Variants in CCNI observed in about 807,000 individuals in gnomAD.
CCNI encodes cyclin-I.
CCNI carries 14 observed loss-of-function variants against 34.1 expected under a neutral mutation model. The ratio of observed to expected loss-of-function variants is 0.41; its 90% CI spans 0.27 to 0.64. The LOEUF (loss-of-function observed/expected upper bound fraction) is 0.64, where lower values mean the gene tolerates loss of function less well. Among genes scored for constraint, CCNI ranks in the 30% least tolerant of loss-of-function variants. The pLI, the probability that CCNI is intolerant of heterozygous loss-of-function variation, is 0.31. For missense variants in CCNI, 385 were observed against 440.5 expected (o/e 0.87, Z 1.13); for synonymous variants, 154 against 158.4 (o/e 0.97, Z 0.21).
At chr4:77,058,991 TAAGAA>T (rs757769485) in intron 2 of CCNI, among the ~76,000 whole-genome samples, 2 of 152,148 alleles carry the variant, frequency 1.3e-5, no homozygotes, top group Non-Finnish European at 2.9e-5. Flanking sequence ...CTCTTAAGAT[TAAGAA>T]AATACAGTGA....
At chr4:77,074,158 A>G (rs1729716380) in intron 1 of CCNI, among the ~76,000 whole-genome samples, 1 of 152,232 alleles carries the variant, frequency 6.6e-6, no homozygotes, top group Non-Finnish European at 1.5e-5. Context: ...TGACCAACAC[A>G]CATGCTAAGC....
At chr4:77,072,013 G>T (rs922182581) in intron 1 of CCNI, among the ~76,000 whole-genome samples, 14 of 151,998 alleles carry the variant, frequency 9.2e-5, no homozygotes, top group Non-Finnish European at 1.5e-4. Flanking sequence ...CAACTTATTC[G>T]TTGAAGCCAG....
At chr4:77,063,258 G>GA (rs1560778946) in intron 2 of CCNI, among the ~76,000 whole-genome samples, 2 of 139,020 alleles carry the variant, frequency 1.4e-5, no homozygotes, top group Admixed American at 8.0e-5. Flanking sequence ...AGGCATAAGA[G>GA]AAAGCTTAAA....
chr4:77,066,798 G>C (rs1462423917), intron 1 of CCNI, among the ~76,000 whole-genome samples: 1 of 152,092 alleles, frequency 6.6e-6, no homozygotes, highest in Non-Finnish European at 1.5e-5. Flanking sequence ...TCATTAAAAA[G>C]AAAATATATT....
chr4:77,058,462 T>C (rs761467717), intron 3 of CCNI, 45 bp downstream of exon 3: 9 of 1,516,428 alleles, frequency 5.9e-6, no homozygotes, highest in Non-Finnish European at 3.6e-6. Flanking sequence ...TTAGCATACA[T>C]ACACTCAAAT....
rs4252765 is a variant in CCNI, at chr4:77,075,411, C to T, written c.-44+61G>A. ...CGGCGCGGGGGGAGCAGCGGGGCCC[C>T]AGCGCGTCGACGCCGGCCGCGGAGA... On this transcript the variant is annotated intron_variant, in intron 1 of 6. Transcript: ENST00000237654. The T allele has an allele frequency of 2.2e-4, 162 of 727,036 alleles. 1 individual carries two copies. In the African/African-American group the frequency reaches 3.0e-3, roughly 14 times the overall value. 45.0% of individuals were successfully genotyped at this position (727,036 alleles called of 1,614,324 possible).
At chr4:77,074,133 C>T (rs1015287444) in intron 1 of CCNI, among the ~76,000 whole-genome samples, 3 of 152,194 alleles carry the variant, frequency 2.0e-5, no homozygotes, top group Admixed American at 1.3e-4. Context: ...CACGGACACA[C>T]TCAGCTTCCA....
intron 1 of CCNI, among the ~76,000 whole-genome samples, chr4:77,069,074 A>G (rs1318855993): frequency 2.0e-5 from 3 of 152,200 alleles, no homozygotes; most frequent in Non-Finnish European, 4.4e-5. Flanking sequence ...AAAACTCTTG[A>G]TTCTTTAATC....
intron 2 of CCNI, among the ~76,000 whole-genome samples, chr4:77,060,262 A>T (rs1174062164): frequency 6.6e-6 from 1 of 152,230 alleles, no homozygotes; most frequent in Non-Finnish European, 1.5e-5. Context: ...GTTATAACTA[A>T]ATGACATAAC....
At chr4:77,063,344 TAAAAA>T (rs745761323) in intron 2 of CCNI, among the ~76,000 whole-genome samples, 46 of 77,244 alleles carry the variant, frequency 6.0e-4, no homozygotes, top group Middle Eastern at 0.015. Flanking sequence ...GAAAGGGAGG[TAAAAA>T]AAAAAAAAAA....
chr4:77,068,376 A>C (rs72860225), intron 1 of CCNI, among the ~76,000 whole-genome samples: 2,740 of 152,340 alleles, frequency 0.018, 58 homozygotes, highest in South Asian at 0.062. Flanking sequence ...GGATGTGGAG[A>C]CATAACTATG....
intron 1 of CCNI, 126 bp from the exon 2 acceptor site, chr4:77,066,531 TA>T (rs1187648510): frequency 1.6e-6 from 1 of 608,684 alleles, no homozygotes; most frequent in African/African-American, 1.9e-5. Flanking sequence ...TATAGCTCTT[TA>T]AAATATCGTA....
intron 1 of CCNI, among the ~76,000 whole-genome samples, chr4:77,069,097 A>G (rs1273900084): frequency 6.6e-6 from 1 of 152,230 alleles, no homozygotes; most frequent in African/African-American, 2.4e-5. Flanking sequence ...GTCATAAAGC[A>G]GCTTTCTGTT....
chr4:77,072,975 C>T (rs528582751), intron 1 of CCNI, among the ~76,000 whole-genome samples: 1 of 152,284 alleles, frequency 6.6e-6, no homozygotes, highest in Non-Finnish European at 1.5e-5. Context: ...ACTGACAGTG[C>T]ACAAGCCTAT....
intron 3 of CCNI, chr4:77,056,581 G>C: frequency 3.1e-6 from 1 of 324,136 alleles, no homozygotes; most frequent in African/African-American, 2.3e-5. Context: ...TGTGTCTAGA[G>C]CTAACTTTTT....
intron 2 of CCNI, among the ~76,000 whole-genome samples, chr4:77,061,143 C>A (rs924959650): frequency 1.2e-4 from 18 of 152,138 alleles, no homozygotes; most frequent in African/African-American, 4.3e-4. Flanking sequence ...CCAAAACCAG[C>A]AATAATTTTT....
intron 1 of CCNI, among the ~76,000 whole-genome samples, chr4:77,068,761 G>GAAAAGCAAAAAATAGCAAACCTGGA (rs1553987082): frequency 0.02 from 3,062 of 151,936 alleles, 108 homozygotes; most frequent in African/African-American, 0.069. Context: ...AAAAAATTTG[G>GAAAAGCAAAAAATAGCAAACCTGGA]AAAAGCAAAA....
intron 2 of CCNI, among the ~76,000 whole-genome samples, chr4:77,063,586 AG>A (rs1728784469): frequency 6.6e-6 from 1 of 151,434 alleles, no homozygotes; most frequent in African/African-American, 2.4e-5. Flanking sequence ...GCTAATGGGG[AG>A]GCTGAGGCAG....
At chr4:77,065,511 A>C (rs1306602000) in intron 2 of CCNI, among the ~76,000 whole-genome samples, 1 of 152,252 alleles carries the variant, frequency 6.6e-6, no homozygotes, top group Admixed American at 6.5e-5. Context: ...TCTTCTAAAA[A>C]GCTTCCAACA....
Sources: gnomAD v4.1 joint callset for allele counts (sites outside exome capture counted in the v4.1 genomes callset) on GRCh38, gnomAD v4.1.1 for gene constraint, MANE v1.5 for transcripts, NCBI Gene and HGNC (gene_info 2026-07-23, HGNC 2026-07-21) for gene names.